LDB2: variants seen among roughly 807,000 people sequenced by gnomAD.
The protein encoded by LDB2 is LIM domain-binding protein 2.
Under a neutral mutation model 44.3 loss-of-function variants are expected in LDB2, and 12 were observed. The observed-to-expected ratio is 0.27, with a 90% CI of 0.17 to 0.44. The LOEUF is 0.44. Among genes scored for constraint, LDB2 ranks in the 20% least tolerant of loss-of-function variants. The pLI, the probability that LDB2 is intolerant of heterozygous loss-of-function variation, is 1.00. For missense variants in LDB2, 344 were observed against 473.5 expected (o/e 0.73, Z 2.54); for synonymous variants, 164 against 174.8 (o/e 0.94, Z 0.49).
chr4:16,638,216 A>G (rs898531826), intron 2 of LDB2, among the ~76,000 whole-genome samples: 1 of 152,198 alleles, frequency 6.6e-6, no homozygotes, highest in Non-Finnish European at 1.5e-5. Flanking sequence ...GCAGGAAATA[A>G]AAAGCAGGAT....
rs551176963 is a variant in LDB2 at position 16,693,691 on chromosome 4, A to G, written c.235+65467T>C. On this transcript the variant is annotated intron_variant, in intron 2 of 7. Transcript: ENST00000304523. Reference sequence around the variant, plus strand: ...ACCTGAAGCACAGCAGAGAGGTTAAAGAGGGACACAGTGATGCAGAGGCCA... The same window carrying G: ...ACCTGAAGCACAGCAGAGAGGTTAAGGAGGGACACAGTGATGCAGAGGCCA... Among the ~76,000 whole-genome samples, 13 of 152,334 alleles carry G rather than the reference A, an allele frequency of 8.5e-5. 1 individual carries two copies. The South Asian group carries it at 2.7e-3, about 32-fold the overall frequency.
intron 5 of LDB2, among the ~76,000 whole-genome samples, chr4:16,545,442 T>C (rs957182197): frequency 3.3e-5 from 5 of 152,226 alleles, no homozygotes; most frequent in Admixed American, 6.5e-5. Context: ...ACTTTCCTTC[T>C]AACTTTTACC....
At chr4:16,819,110 G>A (rs1169925065) in intron 1 of LDB2, among the ~76,000 whole-genome samples, 13 of 151,926 alleles carry the variant, frequency 8.6e-5, no homozygotes, top group Non-Finnish European at 2.9e-5. Flanking sequence ...GTGTGTGTGT[G>A]TGTGTGTGTG....
At chr4:16,777,259 G>A (rs1010075955) in intron 1 of LDB2, among the ~76,000 whole-genome samples, 2 of 152,114 alleles carry the variant, frequency 1.3e-5, no homozygotes, top group African/African-American at 4.8e-5. Context: ...TGGAGCATAC[G>A]GTGTTAGGGG....
At chr4:16,878,208 C>T (rs1005867089) in intron 1 of LDB2, among the ~76,000 whole-genome samples, 1 of 152,108 alleles carries the variant, frequency 6.6e-6, no homozygotes, top group African/African-American at 2.4e-5. Flanking sequence ...TGAGGATATG[C>T]TGTTACAGCA....
At chr4:16,775,136 CCT>C (rs1328014364) in intron 1 of LDB2, among the ~76,000 whole-genome samples, 44 of 152,032 alleles carry the variant, frequency 2.9e-4, no homozygotes, top group African/African-American at 1.0e-3. Context: ...GCTCTTTGTC[CCT>C]CTGTTTCATT....
intron 2 of LDB2, among the ~76,000 whole-genome samples, chr4:16,646,287 A>G (rs1239956371): frequency 6.6e-6 from 1 of 152,116 alleles, no homozygotes; most frequent in Non-Finnish European, 1.5e-5. Context: ...TCTGCTTGTT[A>G]TCTTGATCTA....
chr4:16,781,839 CAGAG>C (rs1423349637), intron 1 of LDB2, among the ~76,000 whole-genome samples: 3 of 152,064 alleles, frequency 2.0e-5, no homozygotes, highest in Non-Finnish European at 4.4e-5. Context: ...AAATAAGAAG[CAGAG>C]AGAGACCCCC....
intron 1 of LDB2, among the ~76,000 whole-genome samples, chr4:16,784,566 G>C (rs1190613732): frequency 1.3e-5 from 2 of 152,166 alleles, no homozygotes; most frequent in African/African-American, 4.8e-5. Context: ...AATAGCTTCA[G>C]AGGCAGAGGT....
Position 16,818,053 on chromosome 4 carries a change from C to T in LDB2, c.133-58793G>A, listed in dbSNP as rs111958343. ...CATCATATGGGTTTAAACTAGGTGA[C>T]GCTCAGCCTGATGGGAGGAGGGTGG... On this transcript the variant is annotated intron_variant, in intron 1 of 7. Transcript: ENST00000304523. 3.2e-4 allele frequency among the ~76,000 whole-genome samples: 49 copies of T among 152,258 alleles called. 1 individual carries two copies. Among genetic ancestry groups the T allele is most frequent in the African/African-American group, 1.1e-3 (44 of 41,552 alleles).
At chr4:16,839,472 G>T (rs1785471839) in intron 1 of LDB2, among the ~76,000 whole-genome samples, 1 of 152,132 alleles carries the variant, frequency 6.6e-6, no homozygotes, top group Non-Finnish European at 1.5e-5. Flanking sequence ...CCTTCCATTA[G>T]GCCTCACCTC....
intron 1 of LDB2, among the ~76,000 whole-genome samples, chr4:16,819,772 T>G (rs1781609873): frequency 6.6e-6 from 1 of 152,210 alleles, no homozygotes; most frequent in Non-Finnish European, 1.5e-5. Context: ...GTGTTGGAAT[T>G]GGGGACTGAA....
chr4:16,649,338 T>C (rs372347153), intron 2 of LDB2, among the ~76,000 whole-genome samples: 1 of 152,324 alleles, frequency 6.6e-6, no homozygotes, highest in African/African-American at 2.4e-5. Flanking sequence ...CTAATTGCTC[T>C]ACTATATTGT....
At chr4:16,568,189 C>A (rs552444622) in intron 5 of LDB2, among the ~76,000 whole-genome samples, 1 of 152,230 alleles carries the variant, frequency 6.6e-6, no homozygotes, top group East Asian at 1.9e-4. Flanking sequence ...ATAATGGTGG[C>A]CGTTAGTTCA....
chr4:16,606,942 G>T (rs1161987544), intron 2 of LDB2, among the ~76,000 whole-genome samples: 1 of 152,190 alleles, frequency 6.6e-6, no homozygotes, highest in Non-Finnish European at 1.5e-5. Flanking sequence ...GTAATTTCCA[G>T]TTTAACCTAA....
intron 1 of LDB2, among the ~76,000 whole-genome samples, chr4:16,792,204 T>A (rs1775909076): frequency 6.6e-6 from 1 of 152,206 alleles, no homozygotes; most frequent in Non-Finnish European, 1.5e-5. Flanking sequence ...TACTGTGTAA[T>A]AGGAATATGA....
intron 2 of LDB2, among the ~76,000 whole-genome samples, chr4:16,651,689 C>A (rs911137187): frequency 2.0e-5 from 3 of 152,140 alleles, no homozygotes; most frequent in African/African-American, 7.2e-5. Context: ...CTCGGCTAGA[C>A]TTTCCTAGAC....
At chr4:16,588,506 T>G (rs949576957) in intron 4 of LDB2, among the ~76,000 whole-genome samples, 1 of 152,120 alleles carries the variant, frequency 6.6e-6, no homozygotes, top group African/African-American at 2.4e-5. Context: ...AGTCTCACAA[T>G]GTACCAATCT....
intron 5 of LDB2, among the ~76,000 whole-genome samples, chr4:16,520,767 C>A (rs950145537): frequency 6.6e-6 from 1 of 152,158 alleles, no homozygotes; most frequent in African/African-American, 2.4e-5. Context: ...CTGACCCACC[C>A]AGGGGAGAAG....
Sources: allele counts gnomAD v4.1 joint callset (sites outside exome capture counted in the v4.1 genomes callset), GRCh38; gene constraint gnomAD v4.1.1; transcripts MANE v1.5; gene names NCBI Gene and HGNC (gene_info 2026-07-23, HGNC 2026-07-21).